ZC3HAV1L: variants seen among roughly 807,000 people sequenced by gnomAD.
The protein encoded by ZC3HAV1L is zinc finger CCCH-type antiviral protein 1-like.
ZC3HAV1L carries 23 observed loss-of-function variants against 28.2 expected under a neutral mutation model. The ratio of observed to expected loss-of-function variants is 0.82; its 90% CI spans 0.59 to 1.16. ZC3HAV1L has a LOEUF of 1.16. Ranked by LOEUF, ZC3HAV1L falls within the 50% of genes most tolerant of loss-of-function variation. The pLI is 0.00. For missense variants in ZC3HAV1L, 376 were observed against 387.7 expected, an observed-to-expected ratio of 0.97 and a Z score of 0.25; for synonymous variants, 180 against 163.4, an observed-to-expected ratio of 1.10 and a Z score of -0.78.
chr7:139,029,558 T>C (rs990364469), intron 2 of ZC3HAV1L, among the ~76,000 whole-genome samples: 2 of 152,122 alleles, frequency 1.3e-5, no homozygotes, highest in African/African-American at 4.8e-5. Flanking sequence ...ATGAATGACT[T>C]AGATAAAGCT....
chr7:139,034,773 T>C, intron 1 of ZC3HAV1L, 95 bp from the exon 2 acceptor site: 1 of 1,501,184 alleles, frequency 6.7e-7, no homozygotes, highest in Non-Finnish European at 8.9e-7. Context: ...ATTTAATACA[T>C]GTGAAGTTGA....
intron 1 of ZC3HAV1L, chr7:139,035,392 C>T: frequency 1.0e-6 from 1 of 984,910 alleles, no homozygotes; most frequent in Non-Finnish European, 1.2e-6. Flanking sequence ...CGCGCAGGAT[C>T]CGGGGGGGCG....
chr7:139,028,614 C>G, intron 3 of ZC3HAV1L, 88 bp downstream of exon 3: 12 of 1,514,878 alleles, frequency 7.9e-6, no homozygotes, highest in Non-Finnish European at 1.1e-5. Context: ...CCCAGACTCA[C>G]TTTCATGTCA....
intron 3 of ZC3HAV1L, among the ~76,000 whole-genome samples, chr7:139,028,265 C>T (rs1161863563): frequency 6.6e-6 from 1 of 150,974 alleles, no homozygotes; most frequent in East Asian, 1.9e-4. Context: ...CTCAGCTACT[C>T]GGGAGGCTGA....
chr7:139,034,010 T>G, intron 2 of ZC3HAV1L: 1 of 985,458 alleles, frequency 1.0e-6, no homozygotes, highest in South Asian at 4.7e-5. Context: ...AACCTGCTTG[T>G]TCCTGAGATC....
At chr7:139,021,887 G>A (rs6959374), downstream of ZC3HAV1L, among the ~76,000 whole-genome samples, 674 of 152,052 alleles carry the variant, frequency 4.4e-3, 2 homozygotes, top group African/African-American at 0.016. Context: ...TATTTAGAAA[G>A]AGCAAACAGG....
chr7:139,033,913 T>C (rs993028286), intron 2 of ZC3HAV1L: 40 of 985,274 alleles, frequency 4.1e-5, no homozygotes, highest in Middle Eastern at 5.2e-4. Context: ...ACATGGTTGG[T>C]TGGAATGCCT....
chr7:139,028,874 G>C lies in ZC3HAV1L; in HGVS notation c.588C>G (p.Ser196=). ...GAAGTTTGCATTCTCCTTTCACAAA[G>C]GATTTGCACACATGAAACTTGTTGC... The part of the protein sequence containing the change: ...DKCNKFHVCK[S]FVKGECKLQT... The change falls in exon 3 of 5, where the codon TCC becomes TCG. Residue 196 remains serine (S), a synonymous_variant. Coordinates refer to ENST00000275766, the MANE Select transcript of ZC3HAV1L (RefSeq NM_080660.4). The C allele has an allele frequency of 6.2e-7, 1 of 1,614,190 alleles. No homozygotes were observed. The highest frequency in any genetic ancestry group is 8.5e-7 in the Non-Finnish European group (1 of 1,180,032).
At chr7:139,027,774 A>G (rs897113387) in intron 3 of ZC3HAV1L, among the ~76,000 whole-genome samples, 5 of 152,238 alleles carry the variant, frequency 3.3e-5, no homozygotes, top group South Asian at 4.1e-4. Flanking sequence ...GATGTTGTAT[A>G]AAGTAGAAAT....
At chr7:139,024,850 CA>C (rs1179977080), downstream of ZC3HAV1L, among the ~76,000 whole-genome samples, 1 of 152,224 alleles carries the variant, frequency 6.6e-6, no homozygotes, top group African/African-American at 2.4e-5. Flanking sequence ...ACACTTTACA[CA>C]GTGACATTTG....
chr7:139,033,831 T>C lies in ZC3HAV1L; in HGVS notation c.501+712A>G, dbSNP rs1017619466. On this transcript the variant is annotated intron_variant, in intron 2 of 4. Transcript: ENST00000275766. ...ACAGGAAGGACTGGACCCAGCCTCATAGGTGCAGCCACCCTCCTCTCCCTT... is the reference window on the plus strand; with the variant it reads ...ACAGGAAGGACTGGACCCAGCCTCACAGGTGCAGCCACCCTCCTCTCCCTT... The C allele has an allele frequency of 4.4e-5, 43 of 985,328 alleles. 2 individuals are homozygous for C. The South Asian group carries it at 1.5e-3, about 36-fold the overall frequency. The allele number at this position is 985,328 out of a possible 1,614,324, so 61.0% of individuals were successfully genotyped here. A position where few individuals can be genotyped will look rare whatever the true frequency, so the allele number is the denominator to read the frequency against.
At chr7:139,031,122 T>A (rs1815518457) in intron 2 of ZC3HAV1L, among the ~76,000 whole-genome samples, 1 of 152,172 alleles carries the variant, frequency 6.6e-6, no homozygotes, top group Non-Finnish European at 1.5e-5. Flanking sequence ...CTAAAGCTTA[T>A]CTGGAAAAGG....
intron 1 of ZC3HAV1L, chr7:139,035,183 A>G (rs58998812): frequency 0.04 from 39,103 of 985,332 alleles, 3,576 homozygotes; most frequent in African/African-American, 0.32. Flanking sequence ...CTGGGGTGAG[A>G]CTGGCTCAGC....
At position 139,026,818 on chromosome 7, in the gene ZC3HAV1L, G is replaced by C; in HGVS notation, c.776C>G (p.Ser259Trp). The C allele has an allele frequency of 6.2e-7, 1 of 1,612,746 alleles. No individual in the cohort carries two copies. Among genetic ancestry groups the C allele is most frequent in the Non-Finnish European group, 8.5e-7 (1 of 1,179,408 alleles). Reference sequence around the variant, plus strand: ...CTCAAGGCCTTGTGAATGCTCAGTCGAAGGTGATGAATTATCTACAAAGAG... The same window carrying C: ...CTCAAGGCCTTGTGAATGCTCAGTCCAAGGTGATGAATTATCTACAAAGAG... ...MLENTDNSSP[S>W]TEHSQGLEKQ... The change falls in exon 4 of 5, where the codon TCG (serine) becomes TGG (tryptophan). Residue 259 changes from serine to tryptophan, a missense_variant. Physicochemically the swap from Ser to Trp is radical, Grantham distance 177. Transcript: ENST00000275766.
At chr7:139,033,219 A>T (rs1019991379) in intron 2 of ZC3HAV1L, among the ~76,000 whole-genome samples, 16 of 144,150 alleles carry the variant, frequency 1.1e-4, no homozygotes, top group African/African-American at 4.1e-4. Context: ...AAACTATATA[A>T]GTCTGATGTT....
intron 2 of ZC3HAV1L, 102 bp downstream of exon 2, chr7:139,034,441 G>T (rs1815635052): frequency 5.5e-6 from 8 of 1,446,134 alleles, no homozygotes; most frequent in Middle Eastern, 1.8e-4. Flanking sequence ...GAATCATGTT[G>T]CTTCGAAGGC....
chr7:139,026,680 T>TA (rs770170797), intron 4 of ZC3HAV1L, 28 bp downstream of exon 4: 1 of 1,613,098 alleles, frequency 6.2e-7, no homozygotes, highest in Admixed American at 1.7e-5. Context: ...AGCTTCTTCT[T>TA]AGTTCACTGA....
At chr7:139,023,199 A>C (rs1052762928), downstream of ZC3HAV1L, among the ~76,000 whole-genome samples, 3 of 151,560 alleles carry the variant, frequency 2.0e-5, no homozygotes, top group South Asian at 4.2e-4. Context: ...AAAAAAAAAA[A>C]AAACAGGGAA....
At chr7:139,030,987 T>G (rs1182270179) in intron 2 of ZC3HAV1L, among the ~76,000 whole-genome samples, 1 of 152,170 alleles carries the variant, frequency 6.6e-6, no homozygotes, top group Non-Finnish European at 1.5e-5. Context: ...TGACCTGGTT[T>G]AAAATGAAAT....
Sources: allele counts gnomAD v4.1 joint callset (sites outside exome capture counted in the v4.1 genomes callset), GRCh38; gene constraint gnomAD v4.1.1; transcripts MANE v1.5; gene names NCBI Gene and HGNC (gene_info 2026-07-23, HGNC 2026-07-21).